PCDH17: variants seen among roughly 807,000 people sequenced by gnomAD.
PCDH17 encodes the protein protocadherin-17.
PCDH17 carries 21 observed loss-of-function variants against 67.7 expected under a neutral mutation model. The ratio of observed to expected loss-of-function variants is 0.31; its 90% confidence interval spans 0.22 to 0.45. PCDH17 has a LOEUF of 0.45. Ranked by LOEUF, PCDH17 falls within the 20% of genes least tolerant of loss-of-function variation. PCDH17 has a pLI of 1.00. For missense variants in PCDH17, 1,471 were observed against 1,564.8 expected (o/e 0.94, Z 1.01); for synonymous variants, 701 against 656.7 (o/e 1.07, Z -1.03).
chr13:57,700,471 A>C (rs1436895138), intron 3 of PCDH17, among the ~76,000 whole-genome samples: 1 of 151,954 alleles, frequency 6.6e-6, no homozygotes, highest in Non-Finnish European at 1.5e-5. Context: ...GGCGCGTGCC[A>C]CCATGCCCAG....
chr13:57,669,110 G>T (rs184859660), intron 3 of PCDH17, among the ~76,000 whole-genome samples: 22 of 151,768 alleles, frequency 1.4e-4, no homozygotes, highest in Non-Finnish European at 2.6e-4. Context: ...TTGTCCTTTC[G>T]ATAGTTTGCT....
At chr13:57,665,383 A>C (rs1955238839) in intron 1 of PCDH17, among the ~76,000 whole-genome samples, 1 of 152,100 alleles carries the variant, frequency 6.6e-6, no homozygotes, top group Non-Finnish European at 1.5e-5. Context: ...GGGAAGAAGA[A>C]AAAAAGAATA....
chr13:57,673,656 G>T (rs1955353001), intron 3 of PCDH17, among the ~76,000 whole-genome samples: 1 of 151,822 alleles, frequency 6.6e-6, no homozygotes, highest in African/African-American at 2.4e-5. Flanking sequence ...ATATATGGGG[G>T]ACAGGAAGAA....
At chr13:57,685,218 T>G (rs994462911) in intron 3 of PCDH17, among the ~76,000 whole-genome samples, 1 of 151,970 alleles carries the variant, frequency 6.6e-6, no homozygotes, top group Non-Finnish European at 1.5e-5. Flanking sequence ...ACTTGGTCTC[T>G]TAGTACTATA....
At chr13:57,654,782 A>C (rs978787702) in intron 1 of PCDH17, among the ~76,000 whole-genome samples, 1 of 152,018 alleles carries the variant, frequency 6.6e-6, no homozygotes, top group African/African-American at 2.4e-5. Flanking sequence ...ATTGAGTCAT[A>C]CATTTTAAAT....
chr13:57,663,029 CT>C (rs950401714), intron 1 of PCDH17, among the ~76,000 whole-genome samples: 8 of 151,844 alleles, frequency 5.3e-5, no homozygotes, highest in African/African-American at 1.9e-4. Flanking sequence ...CAAATAATCA[CT>C]TTTTTTAAAA....
In PCDH17 at chr13:57,666,739, C is replaced by T. The variant is rs1955260657; in HGVS notation, c.2703C>T (p.Asp901=). ...GHGDSDQADS[D]QDTNKGSCCD... is the part of the protein sequence containing the mutation. Reference sequence around the variant, plus strand: ...GGGACAGTGATCAGGCTGACAGTGACCAAGACACTAACAAAGGCTCCTGCT... The same window carrying T: ...GGGACAGTGATCAGGCTGACAGTGATCAAGACACTAACAAAGGCTCCTGCT... The change falls in exon 3 of 4, where the codon GAC becomes GAT. Residue 901 remains aspartate (D), a synonymous_variant. Transcript: ENST00000377918. The T allele has an allele frequency of 3.7e-6, 6 of 1,613,744 alleles. No homozygotes were observed. The highest frequency in any genetic ancestry group is 4.2e-6 in the Non-Finnish European group (5 of 1,179,812).
In PCDH17 at chr13:57,674,034, A is replaced by C. The variant is rs554035281; in HGVS notation, c.2797+7201A>C. 5.9e-5 allele frequency among the ~76,000 whole-genome samples: 9 copies of C among 152,144 alleles called. No individual in the cohort carries two copies. In the East Asian group the frequency reaches 1.7e-3, roughly 30 times the overall value. ...CACATGTGCAAACATCTGCTTCTAG[A>C]ATCCAGCAGCTGGTATCATGAAAAT... On this transcript the variant is annotated intron_variant, in intron 3 of 3. Coordinates refer to ENST00000377918, the MANE Select transcript of PCDH17 (RefSeq NM_001040429.3).
At chr13:57,661,648 G>A (rs1264625390) in intron 1 of PCDH17, among the ~76,000 whole-genome samples, 1 of 152,124 alleles carries the variant, frequency 6.6e-6, no homozygotes, top group Admixed American at 6.6e-5. Flanking sequence ...AAAAGAGAAT[G>A]TGTATGTGTA....
chr13:57,672,260 A>G (rs1955332158), intron 3 of PCDH17, among the ~76,000 whole-genome samples: 1 of 151,872 alleles, frequency 6.6e-6, no homozygotes, highest in African/African-American at 2.4e-5. Context: ...GCTAATAAAT[A>G]TTTGTTTGTT....
chr13:57,675,032 A>C (rs963915761), intron 3 of PCDH17, among the ~76,000 whole-genome samples: 2 of 151,910 alleles, frequency 1.3e-5, no homozygotes, highest in Admixed American at 6.6e-5. Context: ...TTCCCGTAAC[A>C]CACAATAGAG....
At chr13:57,653,004 C>T (rs1955060284) in intron 1 of PCDH17, among the ~76,000 whole-genome samples, 1 of 152,108 alleles carries the variant, frequency 6.6e-6, no homozygotes, top group African/African-American at 2.4e-5. Context: ...TAACACATTG[C>T]CACAGGGTCT....
chr13:57,637,473 T>A (rs975249147), intron 1 of PCDH17, among the ~76,000 whole-genome samples: 4 of 151,928 alleles, frequency 2.6e-5, no homozygotes, highest in African/African-American at 9.7e-5. Context: ...GCAAACACAC[T>A]GTGCTAAAGT....
At position 57,652,667 on chromosome 13, in the gene PCDH17, A is replaced by G. The variant is rs537851876; in HGVS notation, c.2566-13801A>G. On this transcript the variant is annotated intron_variant, in intron 1 of 3. Transcript: ENST00000377918. ...AATATTAGAAATTTGGATGCGTACA[A>G]TTGCTTCTGATTCCATTTATACTTC... Among the ~76,000 whole-genome samples, 3 of 152,310 alleles carry G rather than the reference A, an allele frequency of 2.0e-5. No homozygotes were observed. The South Asian group carries it at 6.2e-4, about 32-fold the overall frequency.
intron 3 of PCDH17, among the ~76,000 whole-genome samples, chr13:57,706,015 T>TAAA (rs747132510): frequency 7.8e-6 from 1 of 128,898 alleles, no homozygotes; most frequent in South Asian, 2.5e-4. Context: ...AACTCAGTCT[T>TAAA]AAAAAAAAAA....
At position 57,728,021 on chromosome 13, in the gene PCDH17, G is replaced by T. The variant is rs1382959305; in HGVS notation, c.*2727G>T. ...CCAATGTGTGAGGGATTTACCTTTA[G>T]GCTCTCTGTCACCAGTGATTTACTA... On this transcript the variant is annotated 3_prime_UTR_variant, in exon 4 of 4. Coordinates refer to ENST00000377918, the MANE Select transcript of PCDH17 (RefSeq NM_001040429.3). 1.3e-5 allele frequency: 2 copies of T among 152,530 alleles called. No homozygotes were observed. The highest frequency in any genetic ancestry group is 1.3e-4 in the Admixed American group (2 of 15,256). 9.4% of individuals were successfully genotyped at this position (152,530 alleles called of 1,614,324 possible).
intron 3 of PCDH17, among the ~76,000 whole-genome samples, chr13:57,716,575 TC>T (rs1955818310): frequency 6.6e-6 from 1 of 151,892 alleles, no homozygotes; most frequent in South Asian, 2.1e-4. Flanking sequence ...ATAAAGCCTT[TC>T]ACAATATTAC....
chr13:57,715,382 C>A (rs1453949505), intron 3 of PCDH17, among the ~76,000 whole-genome samples: 1 of 151,746 alleles, frequency 6.6e-6, no homozygotes, highest in African/African-American at 2.4e-5. Flanking sequence ...AGCGTCTGTT[C>A]AAATTCAGAA....
chr13:57,719,972 A>G (rs1396439446), intron 3 of PCDH17, among the ~76,000 whole-genome samples: 4 of 152,082 alleles, frequency 2.6e-5, no homozygotes, highest in African/African-American at 9.6e-5. Context: ...GTGACATTAT[A>G]CAATTAAAAC....
Sources: gnomAD v4.1 joint callset for allele counts (sites outside exome capture counted in the v4.1 genomes callset) on GRCh38, gnomAD v4.1.1 for gene constraint, MANE v1.5 for transcripts, NCBI Gene and HGNC (gene_info 2026-07-23, HGNC 2026-07-21) for gene names.